The following TRDN variants were observed in gnomAD, a reference collection of about 807,000 sequenced individuals.
TRDN encodes the protein triadin in skeletal muscle.
In TRDN, 161 loss-of-function variants were observed where a neutral mutation model predicts 149.7. The ratio of observed to expected loss-of-function variants is 1.08; its 90% CI spans 0.95 to 1.23. The LOEUF (loss-of-function observed/expected upper bound fraction) is 1.23. Ranked by LOEUF, TRDN falls within the 50% of genes most tolerant of loss-of-function variation. The pLI, the probability that TRDN is intolerant of heterozygous loss-of-function variation, is 0.00. For missense variants in TRDN, 896 were observed against 823.5 expected, an observed-to-expected ratio of 1.09 and a Z score of -1.08; for synonymous variants, 294 against 250.5, an observed-to-expected ratio of 1.17 and a Z score of -1.64.
chr6:123,472,214 G>C (rs1210069132), intron 9 of TRDN, among the ~76,000 whole-genome samples: 2 of 152,208 alleles, frequency 1.3e-5, no homozygotes, highest in Non-Finnish European at 2.9e-5. Context: ...GCGCAGGTCA[G>C]TGGGTGCGCG....
intron 1 of TRDN, among the ~76,000 whole-genome samples, chr6:123,595,562 C>A (rs1783997562): frequency 6.6e-6 from 1 of 152,134 alleles, no homozygotes; most frequent in Non-Finnish European, 1.5e-5. Context: ...TGCACTTTTA[C>A]AAATTGAGGG....
Position 123,420,564 on chromosome 6 carries a change from T to C in TRDN, c.1051+17499A>G, listed in dbSNP as rs952075104. Among the ~76,000 whole-genome samples, 7 of 152,346 alleles carry C rather than the reference T, an allele frequency of 4.6e-5. No homozygotes were observed. In the South Asian group the frequency reaches 1.4e-3, roughly 32 times the overall value. On this transcript the variant is annotated intron_variant, in intron 12 of 40. Coordinates refer to ENST00000334268, the MANE Select transcript of TRDN (RefSeq NM_006073.4). ...GGGAATACAATATTTAGTTTTTCTC[T>C]ACATGACCACAGTGAGCAAAAGTGA...
At chr6:123,586,801 T>C (rs1325553838) in intron 1 of TRDN, among the ~76,000 whole-genome samples, 2 of 151,310 alleles carry the variant, frequency 1.3e-5, no homozygotes, top group African/African-American at 2.4e-5. Context: ...AGTAGAGACA[T>C]GGAGGGAAGG....
intron 22 of TRDN, 113 bp downstream of exon 22, chr6:123,337,506 C>T (rs1262141534): frequency 5.5e-6 from 2 of 365,974 alleles, no homozygotes; most frequent in East Asian, 1.1e-4. Flanking sequence ...TGTGTGTGAC[C>T]TCTGCAGTTC....
chr6:123,415,550 T>C (rs1359401641), intron 12 of TRDN, among the ~76,000 whole-genome samples: 1 of 152,180 alleles, frequency 6.6e-6, no homozygotes, highest in Admixed American at 6.5e-5. Context: ...GTTCTTTCTA[T>C]CCCATATGTA....
intron 1 of TRDN, among the ~76,000 whole-genome samples, chr6:123,605,030 A>G (rs1247231093): frequency 6.6e-6 from 1 of 151,934 alleles, no homozygotes; most frequent in African/African-American, 2.4e-5. Flanking sequence ...CATTGTGTGC[A>G]CAAGCAGATG....
chr6:123,474,011 C>T lies in TRDN; in HGVS notation c.854-9028G>A, dbSNP rs201650152. Among the ~76,000 whole-genome samples the T allele has an allele frequency of 3.5e-3, 529 of 152,064 alleles. 25 individuals carry two copies. The East Asian group carries it at 0.092, about 27-fold the overall frequency. On this transcript the variant is annotated intron_variant, in intron 9 of 40. Coordinates refer to ENST00000334268, the MANE Select transcript of TRDN (RefSeq NM_006073.4). ...AATCATGCCAAAACGTAAAGACCAT[C>T]GAGACTAGGAAGAAACTGCATCAAC...
chr6:123,570,838 A>G, intron 2 of TRDN, 85 bp downstream of exon 2: 2 of 1,297,370 alleles, frequency 1.5e-6, no homozygotes, highest in Non-Finnish European at 1.1e-6. Context: ...AAGATGAAAC[A>G]GAAACCAAGC....
intron 20 of TRDN, among the ~76,000 whole-genome samples, chr6:123,364,538 G>A (rs1476866733): frequency 3.9e-5 from 6 of 152,188 alleles, no homozygotes; most frequent in Non-Finnish European, 8.8e-5. Context: ...TCAGGAAGCT[G>A]AGGCAAGAGA....
chr6:123,350,056 T>C (rs1158556363), intron 21 of TRDN: 2 of 983,012 alleles, frequency 2.0e-6, no homozygotes, highest in East Asian at 2.3e-4. Context: ...TATTTTATTA[T>C]AGTGAACTCT....
chr6:123,302,698 A>G (rs1778471212), intron 24 of TRDN, among the ~76,000 whole-genome samples: 1 of 152,174 alleles, frequency 6.6e-6, no homozygotes, highest in Non-Finnish European at 1.5e-5. Flanking sequence ...GAGAAGCTTG[A>G]TGTTTTTCTT....
In TRDN at chr6:123,289,014, G is replaced by T. The variant is rs3033925; in HGVS notation, c.1511-9932C>A. On this transcript the variant is annotated intron_variant, in intron 24 of 40. Transcript: ENST00000334268. ...CAAATATATGGATTTAAAAATGTGG[G>T]GGGTGTGTGTGTGTGTGTGTGTGTA... 7.2e-4 allele frequency among the ~76,000 whole-genome samples: 69 copies of T among 96,302 alleles called. 1 individual carries two copies. Among genetic ancestry groups the T allele is most frequent in the East Asian group, 3.8e-3 (3 of 798 alleles). The allele number at this position is 96,302 out of a possible 152,430, so 63.2% of individuals were successfully genotyped here.
intron 24 of TRDN, among the ~76,000 whole-genome samples, chr6:123,315,919 T>C (rs957693361): frequency 3.3e-5 from 5 of 151,944 alleles, no homozygotes; most frequent in African/African-American, 1.2e-4. Context: ...TTCAAATTAA[T>C]GGCCAATAGG....
intron 1 of TRDN, among the ~76,000 whole-genome samples, chr6:123,621,543 T>C (rs972899870): frequency 6.6e-6 from 1 of 152,056 alleles, no homozygotes; most frequent in African/African-American, 2.4e-5. Context: ...AAAAATCTAT[T>C]GGATAAACAG....
chr6:123,533,417 A>C (rs1222061056), intron 4 of TRDN, among the ~76,000 whole-genome samples: 1 of 152,036 alleles, frequency 6.6e-6, no homozygotes, highest in Admixed American at 6.6e-5. Flanking sequence ...GCCTGAAAAA[A>C]TCCTGTCAGA....
intron 7 of TRDN, among the ~76,000 whole-genome samples, chr6:123,511,322 G>C (rs1779173699): frequency 6.6e-6 from 1 of 152,050 alleles, no homozygotes; most frequent in South Asian, 2.1e-4. Flanking sequence ...AAAATAACTA[G>C]AGAGTGAATT....
intron 24 of TRDN, among the ~76,000 whole-genome samples, chr6:123,289,032 T>TGC (rs1401359581): frequency 6.7e-6 from 1 of 148,600 alleles, no homozygotes; most frequent in African/African-American, 2.5e-5. Flanking sequence ...TGTGTGTGTG[T>TGC]GTGTGTATAT....
chr6:123,258,971 A>G (rs1171530975), intron 35 of TRDN, among the ~76,000 whole-genome samples: 2 of 152,124 alleles, frequency 1.3e-5, no homozygotes, highest in African/African-American at 4.8e-5. Flanking sequence ...TTTCTGTGGA[A>G]TCAGTGGTGA....
At chr6:123,521,755 C>A (rs1779693464) in intron 5 of TRDN, among the ~76,000 whole-genome samples, 1 of 152,160 alleles carries the variant, frequency 6.6e-6, no homozygotes, top group South Asian at 2.1e-4. Flanking sequence ...CACACCTGAA[C>A]CAAAAACCAC....
Sources: gnomAD v4.1 joint callset for allele counts (sites outside exome capture counted in the v4.1 genomes callset) on GRCh38, gnomAD v4.1.1 for gene constraint, MANE v1.5 for transcripts, NCBI Gene and HGNC (gene_info 2026-07-23, HGNC 2026-07-21) for gene names.